RABGAP1L: variants seen among roughly 807,000 people sequenced by gnomAD.
The protein encoded by RABGAP1L is RAB GTPase activating protein 1 like.
In RABGAP1L, 63 loss-of-function variants were observed where a neutral mutation model predicts 137.7. That is an observed-to-expected ratio of 0.46 (90% confidence interval 0.37 to 0.56). The LOEUF (loss-of-function observed/expected upper bound fraction) is 0.56. Ranked by LOEUF, RABGAP1L falls within the 20% of genes least tolerant of loss-of-function variation. RABGAP1L has a pLI of 0.00. For synonymous variants in RABGAP1L, 431 were observed against 433.7 expected (o/e 0.99, Z 0.08); for missense variants, 1,095 against 1,244.0 (o/e 0.88, Z 1.80).
intron 13 of RABGAP1L, among the ~76,000 whole-genome samples, chr1:174,522,243 G>A (rs1192991574): frequency 6.6e-6 from 1 of 152,166 alleles, no homozygotes; most frequent in Non-Finnish European, 1.5e-5. Flanking sequence ...ACAGCAGAAG[G>A]CAGAGGGCAG....
At chr1:174,306,086 A>G (rs941226327) in intron 11 of RABGAP1L, among the ~76,000 whole-genome samples, 1 of 152,186 alleles carries the variant, frequency 6.6e-6, no homozygotes, top group Non-Finnish European at 1.5e-5. Context: ...CCTACAAAGG[A>G]CATGAACTCA....
chr1:174,792,508 A>T (rs2148800654), intron 18 of RABGAP1L, among the ~76,000 whole-genome samples: 1 of 152,322 alleles, frequency 6.6e-6, no homozygotes, highest in South Asian at 2.1e-4. Flanking sequence ...AATTGAGGTG[A>T]CTCTTATAGG....
chr1:174,798,702 G>C (rs1688466690), intron 18 of RABGAP1L, among the ~76,000 whole-genome samples: 1 of 152,084 alleles, frequency 6.6e-6, no homozygotes, highest in South Asian at 2.1e-4. Flanking sequence ...TTATTTGTCA[G>C]AGTAGAAAAC....
intron 13 of RABGAP1L, among the ~76,000 whole-genome samples, chr1:174,422,896 G>A (rs1229947124): frequency 2.1e-5 from 3 of 142,406 alleles, no homozygotes; most frequent in Non-Finnish European, 4.5e-5. Context: ...GCAGTGAGCC[G>A]AGATCATGCC....
chr1:174,546,401 A>G (rs1472888065), intron 13 of RABGAP1L, among the ~76,000 whole-genome samples: 1 of 152,208 alleles, frequency 6.6e-6, no homozygotes, highest in Non-Finnish European at 1.5e-5. Flanking sequence ...TTTTATTTTT[A>G]AAAAATAGAC....
At chr1:174,622,078 A>G (rs1672539696) in intron 13 of RABGAP1L, among the ~76,000 whole-genome samples, 1 of 152,262 alleles carries the variant, frequency 6.6e-6, no homozygotes, top group Admixed American at 6.5e-5. Context: ...GAAGACATTT[A>G]TGCAGCCAAG....
At chr1:174,845,063 G>C in intron 19 of RABGAP1L, among the ~76,000 whole-genome samples, 1 of 148,866 alleles carries the variant, frequency 6.7e-6, no homozygotes, top group East Asian at 2.0e-4. Flanking sequence ...TGTGATTTTT[G>C]TACATTGATT....
chr1:174,167,599 A>C (rs1477642040), intron 1 of RABGAP1L, among the ~76,000 whole-genome samples: 1 of 152,210 alleles, frequency 6.6e-6, no homozygotes, highest in Non-Finnish European at 1.5e-5. Flanking sequence ...AAAGGCAAGT[A>C]TGGAATTCAT....
chr1:174,200,904 G>A (rs141695191), intron 1 of RABGAP1L, among the ~76,000 whole-genome samples: 2 of 152,130 alleles, frequency 1.3e-5, no homozygotes, highest in East Asian at 3.9e-4. Flanking sequence ...ATGTGTCCCC[G>A]TTTGGTTTCA....
chr1:174,875,454 G>C lies in RABGAP1L; in HGVS notation c.2340+63494G>C, dbSNP rs911986310. 33 of 906,412 alleles carry C rather than the reference G, an allele frequency of 3.6e-5. No homozygotes were observed. In the African/African-American group the frequency reaches 5.6e-4, roughly 15 times the overall value. 56.1% of individuals were successfully genotyped at this position (906,412 alleles called of 1,614,324 possible). On this transcript the variant is annotated intron_variant, in intron 19 of 25. Coordinates refer to ENST00000681986, the MANE Select transcript of RABGAP1L (RefSeq NM_001366446.1). ...AACTCTTGTTTGCCCCTGGGTGGTT[G>C]CCAGCAGGGAGTAAGGCATTGTGGG...
chr1:174,859,866 A>T (rs1192199497), intron 19 of RABGAP1L, among the ~76,000 whole-genome samples: 2 of 152,162 alleles, frequency 1.3e-5, no homozygotes, highest in Non-Finnish European at 2.9e-5. Context: ...AAAATTAGAA[A>T]TAACAATTTT....
chr1:174,534,137 TG>T (rs1664682652), intron 13 of RABGAP1L, among the ~76,000 whole-genome samples: 6 of 59,486 alleles, frequency 1.0e-4, no homozygotes, highest in Admixed American at 9.1e-4. Context: ...CAACTCTGTG[TG>T]TGTGTGTGTG....
At chr1:174,985,648 C>A (rs543641322) in intron 24 of RABGAP1L, among the ~76,000 whole-genome samples, 3 of 152,110 alleles carry the variant, frequency 2.0e-5, no homozygotes, top group Non-Finnish European at 4.4e-5. Flanking sequence ...GTCATGATCA[C>A]CCCCCAGTTC....
intron 17 of RABGAP1L, among the ~76,000 whole-genome samples, chr1:174,743,597 C>T (rs972165533): frequency 1.8e-4 from 27 of 151,874 alleles, no homozygotes; most frequent in African/African-American, 5.8e-4. Context: ...ACAAGTTTAC[C>T]TGCATAACAA....
intron 11 of RABGAP1L, among the ~76,000 whole-genome samples, chr1:174,315,325 C>A (rs985680177): frequency 6.6e-6 from 1 of 151,868 alleles, no homozygotes; most frequent in African/African-American, 2.4e-5. Context: ...TGTTTGTTTT[C>A]TTGTTTCAGT....
Position 174,988,728 on chromosome 1 carries a change from G to A in RABGAP1L, c.2893G>A (p.Gly965Arg). The A allele has an allele frequency of 6.5e-7, 1 of 1,549,572 alleles. No individual in the cohort carries two copies. The highest frequency in any genetic ancestry group is 8.7e-7 in the Non-Finnish European group (1 of 1,146,472). ...KLAATGREDQ[G>R]IETDDEKDSL... ...AGCAGCCACAGGCAGAGAGGACCAG[G>A]GAATTGAAACAGATGATGAGAAGGA... is the stretch of plus-strand genomic sequence containing the variant. Residue 965 changes from glycine (G) to arginine (R), a missense_variant, in exon 25 of 26, where the codon GGA becomes AGA. Gly to Arg is a moderately radical substitution (Grantham distance 125, BLOSUM62 -2). Around this residue, in one of 4 missense-constraint regions of RABGAP1L, gnomAD observed 312 missense variants for 435.6 expected, o/e 0.72. Coordinates refer to ENST00000681986, the MANE Select transcript of RABGAP1L (RefSeq NM_001366446.1).
chr1:174,597,345 G>C (rs1670028884), intron 13 of RABGAP1L, among the ~76,000 whole-genome samples: 1 of 152,046 alleles, frequency 6.6e-6, no homozygotes, highest in Non-Finnish European at 1.5e-5. Context: ...ATCATTTTCT[G>C]GGACTTTTCT....
At chr1:174,213,067 G>A (rs918646820) in intron 1 of RABGAP1L, among the ~76,000 whole-genome samples, 1 of 152,142 alleles carries the variant, frequency 6.6e-6, no homozygotes, top group South Asian at 2.1e-4. Flanking sequence ...AGCAAAAAAA[G>A]CCTGGGACCT....
chr1:174,561,634 C>A (rs1237073039), intron 13 of RABGAP1L, among the ~76,000 whole-genome samples: 2 of 152,164 alleles, frequency 1.3e-5, no homozygotes, highest in Non-Finnish European at 2.9e-5. Flanking sequence ...GTAACGAAAA[C>A]AGCATGGTAC....
Sources: allele counts gnomAD v4.1 joint callset (sites outside exome capture counted in the v4.1 genomes callset), GRCh38; gene constraint gnomAD v4.1.1; regional missense constraint gnomAD v4.1.1; transcripts MANE v1.5; gene names NCBI Gene and HGNC (gene_info 2026-07-23, HGNC 2026-07-21).